ZFAT: variants seen among roughly 807,000 people sequenced by gnomAD.
The protein encoded by ZFAT is zinc finger protein ZFAT.
ZFAT carries 64 observed loss-of-function variants against 117.7 expected under a neutral mutation model. That is an observed-to-expected ratio of 0.54 (90% CI 0.44 to 0.67). The LOEUF is 0.67. Among genes scored for constraint, ZFAT ranks in the 30% least tolerant of loss-of-function variants. ZFAT has a pLI of 0.00. For missense variants in ZFAT, 1,433 were observed against 1,584.5 expected, an observed-to-expected ratio of 0.90 and a Z score of 1.62; for synonymous variants, 679 against 615.0, an observed-to-expected ratio of 1.10 and a Z score of -1.54.
At chr8:134,720,843 G>T in the ZFAT span, among the ~76,000 whole-genome samples, 1 of 152,186 alleles carries the variant, frequency 6.6e-6, no homozygotes, top group East Asian at 1.9e-4. Context: ...AAATCAAACG[G>T]AATAAAATAA....
intron 15 of ZFAT, among the ~76,000 whole-genome samples, chr8:134,484,414 GC>G (rs1404819233): frequency 6.6e-6 from 1 of 152,240 alleles, no homozygotes; most frequent in Non-Finnish European, 1.5e-5. Flanking sequence ...TCCAGGGCCA[GC>G]TGCTGCCTGC....
the ZFAT span, among the ~76,000 whole-genome samples, chr8:134,760,820 T>G: frequency 1.2e-4 from 18 of 152,294 alleles, no homozygotes; most frequent in African/African-American, 4.3e-4. Flanking sequence ...CATACGAGAA[T>G]TTTAAATAAA....
At chr8:134,771,154 A>T in the ZFAT span, among the ~76,000 whole-genome samples, 1 of 152,166 alleles carries the variant, frequency 6.6e-6, no homozygotes, top group Non-Finnish European at 1.5e-5. Context: ...TCTAATAAAA[A>T]CATGCTAGTT....
At chr8:134,745,134 T>A in the ZFAT span, among the ~76,000 whole-genome samples, 144 of 152,272 alleles carry the variant, frequency 9.5e-4, no homozygotes, top group African/African-American at 3.2e-3. Context: ...ATCTGCAAAA[T>A]CCCTTCACCC....
At chr8:134,684,935 G>C (rs991080701) in intron 1 of ZFAT, among the ~76,000 whole-genome samples, 2 of 152,172 alleles carry the variant, frequency 1.3e-5, no homozygotes, top group African/African-American at 2.4e-5. Flanking sequence ...GGAGCTCCCA[G>C]AGCTGGTGTT....
At chr8:134,779,235 A>G in the ZFAT span, among the ~76,000 whole-genome samples, 2 of 152,176 alleles carry the variant, frequency 1.3e-5, no homozygotes, top group Non-Finnish European at 2.9e-5. Flanking sequence ...GAGGAGAATG[A>G]GTTTGAAAAA....
intron 1 of ZFAT, among the ~76,000 whole-genome samples, chr8:134,660,839 G>A (rs1280846328): frequency 6.6e-6 from 1 of 152,218 alleles, no homozygotes; most frequent in African/African-American, 2.4e-5. Context: ...ATGACAAAGT[G>A]TTGGAGACTA....
intron 3 of ZFAT, among the ~76,000 whole-genome samples, chr8:134,611,970 C>T (rs1667603575): frequency 6.6e-6 from 1 of 152,144 alleles, no homozygotes; most frequent in African/African-American, 2.4e-5. Flanking sequence ...AGAAAAGCTT[C>T]GATATCCAAG....
chr8:134,510,208 C>T (rs1365133937), intron 14 of ZFAT: 1 of 450,720 alleles, frequency 2.2e-6, no homozygotes, highest in East Asian at 7.0e-5. Context: ...AAAGATGTAT[C>T]AATTATTCAA....
the ZFAT span, among the ~76,000 whole-genome samples, chr8:134,748,713 C>T: frequency 2.0e-5 from 3 of 152,320 alleles, no homozygotes; most frequent in African/African-American, 7.2e-5. Context: ...TCTCCACATC[C>T]TAGCCAACAC....
chr8:134,640,685 T>C (rs1290822274), intron 2 of ZFAT, among the ~76,000 whole-genome samples: 2 of 152,212 alleles, frequency 1.3e-5, no homozygotes, highest in Non-Finnish European at 2.9e-5. Flanking sequence ...CTGAAAGCTT[T>C]GGAAAACCTC....
rs1413148101 is a variant in ZFAT at position 134,601,810 on chromosome 8, T to C, written c.1909A>G (p.Lys637Glu). 1.2e-6 allele frequency: 2 copies of C among 1,613,806 alleles called. No individual in the cohort carries two copies. Among genetic ancestry groups the C allele is most frequent in the Admixed American group, 1.7e-5 (1 of 59,986 alleles). Residue 637 changes from lysine to glutamate, a missense_variant, in exon 6 of 16, where the codon AAG becomes GAG. This residue lies in a region of ZFAT where 372 missense variants were observed against 355.6 expected (regional missense o/e 1.05). Transcript: ENST00000377838. ...TGATCTGACCCAGCACTCTGGGCCTTGGACAGCAGTAGTGTGATCACTTCA... is the reference window on the plus strand; with the variant it reads ...TGATCTGACCCAGCACTCTGGGCCTCGGACAGCAGTAGTGTGATCACTTCA... ...QGEVITLLLS[K>E]AQSAGSDQES... is the part of the protein sequence containing the mutation.
At chr8:134,810,192 T>C in the ZFAT span, among the ~76,000 whole-genome samples, 1 of 152,322 alleles carries the variant, frequency 6.6e-6, no homozygotes, top group Non-Finnish European at 1.5e-5. Flanking sequence ...TAGCACTATA[T>C]AAACGCAACC....
chr8:134,756,988 T>C, the ZFAT span, among the ~76,000 whole-genome samples: 1 of 149,028 alleles, frequency 6.7e-6, no homozygotes, highest in Non-Finnish European at 1.5e-5. Context: ...CTTCTCCCTC[T>C]GCCCATTCCC....
chr8:134,697,722 A>G (rs547493861), intron 1 of ZFAT, among the ~76,000 whole-genome samples: 229 of 149,920 alleles, frequency 1.5e-3, no homozygotes, highest in African/African-American at 5.3e-3. Context: ...GCGAGACTCC[A>G]TCTCAAAAAA....
chr8:134,800,914 C>T, the ZFAT span, among the ~76,000 whole-genome samples: 2 of 152,124 alleles, frequency 1.3e-5, no homozygotes, highest in African/African-American at 4.8e-5. Context: ...TAGTCACAAA[C>T]AAGTGATAAC....
rs1488086826 is a variant in ZFAT, at chr8:134,602,720, G to A, written c.999C>T (p.Phe333=). Residue 333 remains phenylalanine (F), a synonymous_variant, in exon 6 of 16, where the codon TTC becomes TTT. Transcript: ENST00000377838. ...GEKFACDYCS[F]TCLSKGHLKV... is the part of the protein sequence containing the mutation. ...TGAGGTGGCCCTTGCTCAGGCAGGT[G>A]AACGAGCAATAGTCGCAGGCGAACT... 4.3e-6 allele frequency: 7 copies of A among 1,613,896 alleles called. No individual in the cohort carries two copies. Among genetic ancestry groups the A allele is most frequent in the Middle Eastern group, 3.3e-4 (2 of 6,084 alleles).
intron 14 of ZFAT, chr8:134,510,583 ACTTATAT>A: frequency 6.0e-6 from 1 of 166,440 alleles, no homozygotes; most frequent in Admixed American, 5.9e-5. Context: ...GCAGTGGCGG[ACTTATAT>A]TCACAATGCA....
chr8:134,578,387 G>C (rs1825468362), intron 10 of ZFAT, among the ~76,000 whole-genome samples: 2 of 149,496 alleles, frequency 1.3e-5, no homozygotes. Flanking sequence ...CTCCAGCCTG[G>C]GCGACAAGAG....
Sources: gnomAD v4.1 joint callset for allele counts (sites outside exome capture counted in the v4.1 genomes callset) on GRCh38, gnomAD v4.1.1 for gene constraint, gnomAD v4.1.1 regional missense constraint, MANE v1.5 for transcripts, NCBI Gene and HGNC (gene_info 2026-07-23, HGNC 2026-07-21) for gene names.